Variants in DYM observed in about 807,000 individuals in gnomAD.
DYM encodes dymeclin, also known as dyggve-Melchior-Clausen syndrome protein.
In DYM, 78 loss-of-function variants were observed where a neutral mutation model predicts 93.1. The observed-to-expected ratio is 0.84, with a 90% CI of 0.70 to 1.01. DYM has a LOEUF of 1.01. DYM is among the 50% of genes least tolerant of loss of function. DYM has a pLI of 0.00. For synonymous variants in DYM, 321 were observed against 319.7 expected, an observed-to-expected ratio of 1.00 and a Z score of -0.04; for missense variants, 789 against 845.0, an observed-to-expected ratio of 0.93 and a Z score of 0.82.
At chr18:49,148,366 A>T (rs981049460) in intron 15 of DYM, among the ~76,000 whole-genome samples, 69 of 152,098 alleles carry the variant, frequency 4.5e-4, no homozygotes, top group Non-Finnish European at 8.4e-4. Flanking sequence ...CAAAAAAAAA[A>T]AGAAAATAGA....
Position 49,151,025 on chromosome 18 carries a change from T to C in DYM, c.1728+12660A>G, listed in dbSNP as rs2085757695. On this transcript the variant is annotated intron_variant, in intron 15 of 17. Coordinates refer to ENST00000675505, the MANE Select transcript of DYM (RefSeq NM_001353214.3). ...AACACATTCCAATCATGGAATGACC[T>C]CCAACAACCATCAAAGCACAAATCA... is the stretch of plus-strand genomic sequence containing the variant. Among the ~76,000 whole-genome samples, 7 of 152,178 alleles carry C rather than the reference T, an allele frequency of 4.6e-5. No homozygotes were observed. The South Asian group carries it at 1.5e-3, about 32-fold the overall frequency.
intron 17 of DYM, chr18:49,097,113 A>G: frequency 2.1e-6 from 1 of 476,110 alleles, no homozygotes; most frequent in East Asian, 4.1e-5. Context: ...ACTCTTGATG[A>G]TACTCTTAAG....
intron 13 of DYM, among the ~76,000 whole-genome samples, chr18:49,230,619 T>TA (rs2093667071): frequency 6.6e-6 from 1 of 152,202 alleles, no homozygotes; most frequent in Non-Finnish European, 1.5e-5. Context: ...CATCAATCTG[T>TA]ATATTGGCCC....
intron 15 of DYM, among the ~76,000 whole-genome samples, chr18:49,145,185 T>G (rs1313463855): frequency 7.0e-6 from 1 of 142,276 alleles, no homozygotes; most frequent in Non-Finnish European, 1.5e-5. Flanking sequence ...AAAACAAAAT[T>G]AGAATATTTC....
At chr18:49,422,882 C>G (rs1253597416) in intron 2 of DYM, among the ~76,000 whole-genome samples, 1 of 152,134 alleles carries the variant, frequency 6.6e-6, no homozygotes, top group African/African-American at 2.4e-5. Flanking sequence ...TACAGGAGCA[C>G]CCAGATTCAT....
At chr18:49,099,815 ATT>A (rs1212250505) in intron 16 of DYM, among the ~76,000 whole-genome samples, 1 of 152,018 alleles carries the variant, frequency 6.6e-6, no homozygotes, top group Non-Finnish European at 1.5e-5. Context: ...TTATGGATCC[ATT>A]TTCTGTGAGA....
chr18:49,211,584 C>T (rs1439177218), intron 13 of DYM, among the ~76,000 whole-genome samples: 1 of 152,128 alleles, frequency 6.6e-6, no homozygotes, highest in Non-Finnish European at 1.5e-5. Flanking sequence ...TTTCCACAAA[C>T]GAACAATCCA....
intron 10 of DYM, among the ~76,000 whole-genome samples, chr18:49,281,147 T>G (rs915388783): frequency 1.6e-4 from 24 of 152,170 alleles, no homozygotes; most frequent in African/African-American, 5.6e-4. Context: ...GAGAAGGATA[T>G]GAACAGACAC....
intron 17 of DYM, among the ~76,000 whole-genome samples, chr18:49,044,657 C>T (rs1157861233): frequency 1.3e-5 from 2 of 152,192 alleles, no homozygotes; most frequent in African/African-American, 4.8e-5. Context: ...TGAGCCCTGA[C>T]CTGAAGGGGT....
At chr18:49,087,483 T>C (rs1321646222) in intron 17 of DYM, among the ~76,000 whole-genome samples, 1 of 152,228 alleles carries the variant, frequency 6.6e-6, no homozygotes, top group African/African-American at 2.4e-5. Flanking sequence ...TAAGACATTA[T>C]AATGAATATC....
chr18:49,279,417 T>C (rs1397228886), intron 10 of DYM, among the ~76,000 whole-genome samples: 1 of 152,190 alleles, frequency 6.6e-6, no homozygotes, highest in African/African-American at 2.4e-5. Flanking sequence ...TTCCTACTGA[T>C]AACATATTTT....
rs1599877232 is a variant in DYM, at chr18:49,393,075, GGAAAGAA to G, written c.141-1437_141-1431del. 2.4e-4 allele frequency among the ~76,000 whole-genome samples: 32 copies of G among 131,590 alleles called. 1 individual carries two copies. The highest frequency in any genetic ancestry group is 5.4e-4 in the South Asian group (2 of 3,710). 86.3% of individuals were successfully genotyped at this position (131,590 alleles called of 152,430 possible). ...GGGGAGGAGGGGAGGAGGAGGAGGAGGAAAGAAGGGAGGGAGGGAAGGAAGGAAGGAA... is the reference window on the plus strand; with the variant it reads ...GGGGAGGAGGGGAGGAGGAGGAGGAGGGGAGGGAGGGAAGGAAGGAAGGAA... On this transcript the variant is annotated intron_variant, in intron 2 of 17. Coordinates refer to ENST00000675505, the MANE Select transcript of DYM (RefSeq NM_001353214.3).
chr18:49,174,096 G>C (rs1272342113), intron 14 of DYM, among the ~76,000 whole-genome samples: 2 of 152,006 alleles, frequency 1.3e-5, no homozygotes, highest in Non-Finnish European at 2.9e-5. Context: ...TGCTTTTTCT[G>C]TACCTACTGA....
chr18:49,324,067 G>A (rs568198490), intron 8 of DYM, among the ~76,000 whole-genome samples: 6 of 144,872 alleles, frequency 4.1e-5, no homozygotes, highest in South Asian at 2.2e-4. Context: ...CCTGGGAGGC[G>A]GAGGTTGCAG....
chr18:49,303,735 A>G (rs1374678975), intron 8 of DYM, among the ~76,000 whole-genome samples: 2 of 152,202 alleles, frequency 1.3e-5, no homozygotes, highest in African/African-American at 4.8e-5. Context: ...GCTTTCCTAT[A>G]TTCATACAAA....
chr18:49,230,591 C>T lies in DYM; in HGVS notation c.1461-20876G>A, dbSNP rs938998895. Among the ~76,000 whole-genome samples the T allele has an allele frequency of 2.6e-5, 4 of 152,188 alleles. No homozygotes were observed. In the South Asian group the frequency reaches 6.2e-4, roughly 24 times the overall value. ...AAAGCTTACCACACCCTAAATACTACAGCAATGGTTCATTCCACATCAATC... is the reference window on the plus strand; with the variant it reads ...AAAGCTTACCACACCCTAAATACTATAGCAATGGTTCATTCCACATCAATC... On this transcript the variant is annotated intron_variant, in intron 13 of 17. Transcript: ENST00000675505.
chr18:49,185,599 G>A (rs1445980540), intron 14 of DYM, among the ~76,000 whole-genome samples: 1 of 152,196 alleles, frequency 6.6e-6, no homozygotes, highest in Non-Finnish European at 1.5e-5. Context: ...TCTTTAAATT[G>A]AAAATATGCT....
chr18:49,136,435 T>C (rs72921699), intron 15 of DYM, among the ~76,000 whole-genome samples: 4,053 of 152,320 alleles, frequency 0.027, 81 homozygotes, highest in Non-Finnish European at 0.041. Context: ...TGTGTTTTTA[T>C]AATGAATTTA....
intron 15 of DYM, among the ~76,000 whole-genome samples, chr18:49,152,326 A>G (rs2085910439): frequency 6.6e-6 from 1 of 152,200 alleles, no homozygotes; most frequent in Non-Finnish European, 1.5e-5. Flanking sequence ...GTTTTAAAAA[A>G]GAGGGGAGCC....
Sources: allele counts gnomAD v4.1 joint callset (sites outside exome capture counted in the v4.1 genomes callset), GRCh38; gene constraint gnomAD v4.1.1; transcripts MANE v1.5; gene names NCBI Gene and HGNC (gene_info 2026-07-23, HGNC 2026-07-21).